Variants in MACROD2 observed in about 807,000 individuals in gnomAD.
The protein encoded by MACROD2 is ADP-ribose glycohydrolase MACROD2.
MACROD2 carries 36 observed loss-of-function variants against 70.4 expected under a neutral mutation model. The observed-to-expected ratio is 0.51, with a 90% CI of 0.39 to 0.68. MACROD2 has a LOEUF of 0.68. Ranked by LOEUF, MACROD2 falls within the 30% of genes least tolerant of loss-of-function variation. The pLI, the probability that MACROD2 is intolerant of heterozygous loss-of-function variation, is 0.00. For synonymous variants in MACROD2, 172 were observed against 178.8 expected (o/e 0.96, Z 0.30); for missense variants, 496 against 538.4 (o/e 0.92, Z 0.78).
chr20:14,067,287 G>A (rs1400755919), intron 2 of MACROD2, among the ~76,000 whole-genome samples: 2 of 150,846 alleles, frequency 1.3e-5, no homozygotes, highest in Non-Finnish European at 3.0e-5. Context: ...CCATGCCCAG[G>A]TAATTTTTGT....
At chr20:14,789,592 C>CT (rs1683219679) in intron 5 of MACROD2, among the ~76,000 whole-genome samples, 1 of 149,628 alleles carries the variant, frequency 6.7e-6, no homozygotes, top group Admixed American at 6.7e-5. Flanking sequence ...TCTCCTGCCT[C>CT]AGCTTCCTGA....
At chr20:15,679,439 C>T (rs919373125) in intron 8 of MACROD2, among the ~76,000 whole-genome samples, 15 of 150,978 alleles carry the variant, frequency 9.9e-5, no homozygotes, top group Non-Finnish European at 1.3e-4. Flanking sequence ...CAGCTAGCTG[C>T]CTTGGTGGCC....
At chr20:14,480,415 A>T (rs2084649750) in intron 3 of MACROD2, among the ~76,000 whole-genome samples, 1 of 152,218 alleles carries the variant, frequency 6.6e-6, no homozygotes, top group Non-Finnish European at 1.5e-5. Flanking sequence ...CATCTGGAAT[A>T]CCATATGCAA....
At chr20:14,114,348 A>G (rs1015659600) in intron 3 of MACROD2, among the ~76,000 whole-genome samples, 1 of 152,200 alleles carries the variant, frequency 6.6e-6, no homozygotes, top group Non-Finnish European at 1.5e-5. Context: ...CACTTTTTAA[A>G]GACTTGATTT....
intron 4 of MACROD2, among the ~76,000 whole-genome samples, chr20:14,590,376 A>G (rs1600424150): frequency 6.6e-6 from 1 of 152,192 alleles, no homozygotes; most frequent in Non-Finnish European, 1.5e-5. Context: ...TAGGCAGAAC[A>G]TTCAGCCTGG....
chr20:15,522,293 A>G (rs994919245), intron 8 of MACROD2, among the ~76,000 whole-genome samples: 5 of 152,280 alleles, frequency 3.3e-5, no homozygotes, highest in Middle Eastern at 6.8e-3. Context: ...GAGGCTCAAA[A>G]TAAAATGTTT....
At chr20:14,678,333 T>A (rs1345130219) in intron 4 of MACROD2, among the ~76,000 whole-genome samples, 1 of 152,198 alleles carries the variant, frequency 6.6e-6, no homozygotes, top group Non-Finnish European at 1.5e-5. Flanking sequence ...TGGGAAGTAC[T>A]GTCTTGCTCA....
At chr20:15,896,370 C>T (rs1191962274) in intron 10 of MACROD2, among the ~76,000 whole-genome samples, 2 of 152,054 alleles carry the variant, frequency 1.3e-5, no homozygotes, top group African/African-American at 2.4e-5. Flanking sequence ...AACAAACTCA[C>T]CTAGATTTTC....
intron 8 of MACROD2, among the ~76,000 whole-genome samples, chr20:15,850,144 G>A (rs1440509143): frequency 2.0e-5 from 3 of 152,174 alleles, no homozygotes; most frequent in Non-Finnish European, 2.9e-5. Context: ...ACAAGAATTA[G>A]AGTGCAGGTA....
intron 6 of MACROD2, among the ~76,000 whole-genome samples, chr20:15,303,302 G>T (rs2146131293): frequency 6.6e-6 from 1 of 152,296 alleles, no homozygotes; most frequent in Non-Finnish European, 1.5e-5. Context: ...GGACCCCACA[G>T]ATTTATCTTA....
At chr20:14,912,959 A>C (rs558682863) in intron 5 of MACROD2, among the ~76,000 whole-genome samples, 13 of 152,228 alleles carry the variant, frequency 8.5e-5, no homozygotes, top group Non-Finnish European at 1.5e-4. Context: ...CATACACATA[A>C]AGTATCCAGA....
At chr20:14,776,717 A>G (rs2072238890) in intron 5 of MACROD2, among the ~76,000 whole-genome samples, 1 of 152,052 alleles carries the variant, frequency 6.6e-6, no homozygotes, top group South Asian at 2.1e-4. Flanking sequence ...GTTGAGCATA[A>G]TATACATATT....
intron 5 of MACROD2, among the ~76,000 whole-genome samples, chr20:14,807,775 C>G (rs923947559): frequency 1.3e-5 from 2 of 151,974 alleles, no homozygotes; most frequent in Admixed American, 6.6e-5. Context: ...AAAAACACAG[C>G]ACAAGAACTT....
chr20:14,174,830 G>A (rs1169782455), intron 3 of MACROD2, among the ~76,000 whole-genome samples: 1 of 152,118 alleles, frequency 6.6e-6, no homozygotes, highest in African/African-American at 2.4e-5. Context: ...GCTTCCCTGG[G>A]GACCAAGAGT....
At chr20:14,837,635 A>G (rs2073043783) in intron 5 of MACROD2, among the ~76,000 whole-genome samples, 1 of 152,080 alleles carries the variant, frequency 6.6e-6, no homozygotes. Flanking sequence ...AAGAGTGACC[A>G]TATTTAATGA....
intron 3 of MACROD2, among the ~76,000 whole-genome samples, chr20:14,228,956 G>A (rs1282439198): frequency 6.9e-6 from 1 of 145,208 alleles, no homozygotes; most frequent in Non-Finnish European, 1.5e-5. Flanking sequence ...GTTGCAGTGA[G>A]CCAGGATCAT....
chr20:15,121,592 C>T (rs1236865707), intron 5 of MACROD2, among the ~76,000 whole-genome samples: 1 of 151,774 alleles, frequency 6.6e-6, no homozygotes, highest in African/African-American at 2.4e-5. Context: ...CAAGTGTAGT[C>T]CCCTGGAGTC....
intron 5 of MACROD2, among the ~76,000 whole-genome samples, chr20:14,725,459 G>C: frequency 6.6e-6 from 1 of 152,044 alleles, no homozygotes; most frequent in East Asian, 1.9e-4. Context: ...GACAGAGAAG[G>C]CATGCAAACT....
intron 5 of MACROD2, among the ~76,000 whole-genome samples, chr20:14,812,407 C>G (rs1384580677): frequency 6.6e-6 from 1 of 151,778 alleles, no homozygotes; most frequent in African/African-American, 2.4e-5. Context: ...ACATCACACA[C>G]CAGGGCCTGT....
Sources: allele counts gnomAD v4.1 joint callset (sites outside exome capture counted in the v4.1 genomes callset), GRCh38; gene constraint gnomAD v4.1.1; transcripts MANE v1.5; gene names NCBI Gene and HGNC (gene_info 2026-07-23, HGNC 2026-07-21).